Variants in GMPR observed in about 807,000 individuals in gnomAD.
GMPR encodes guanosine monophosphate reductase.
GMPR carries 31 observed loss-of-function variants against 38.4 expected under a neutral mutation model. The ratio of observed to expected loss-of-function variants is 0.81; its 90% confidence interval spans 0.61 to 1.09. The LOEUF (loss-of-function observed/expected upper bound fraction) is 1.09, where lower values mean the gene tolerates loss of function less well. GMPR is among the 50% of genes least tolerant of loss of function. The probability of loss-of-function intolerance (pLI) is 0.00; values close to 1 mark genes in which losing one functional copy is unlikely to be tolerated. For missense variants in GMPR, 468 were observed against 453.7 expected, an observed-to-expected ratio of 1.03 and a Z score of -0.29; for synonymous variants, 162 against 173.3, an observed-to-expected ratio of 0.93 and a Z score of 0.51.
intron 8 of GMPR, among the ~76,000 whole-genome samples, chr6:16,291,255 GCT>G (rs1759837402): frequency 1.3e-5 from 2 of 151,918 alleles, no homozygotes; most frequent in South Asian, 4.2e-4. Context: ...GTGGAGTCGT[GCT>G]CTGTCGCCCA....
intron 6 of GMPR, among the ~76,000 whole-genome samples, chr6:16,283,646 C>T (rs1328660661): frequency 6.6e-6 from 1 of 152,116 alleles, no homozygotes; most frequent in Admixed American, 6.6e-5. Flanking sequence ...TTGGCCCATC[C>T]TGGGAAGAGA....
chr6:16,289,262 GTC>G (rs1311128848), intron 7 of GMPR, among the ~76,000 whole-genome samples: 2 of 152,202 alleles, frequency 1.3e-5, no homozygotes. Context: ...CACAGTGAGA[GTC>G]TATGGCTTCA....
intron 8 of GMPR, among the ~76,000 whole-genome samples, chr6:16,294,161 ACTC>A (rs1380413843): frequency 8.6e-5 from 13 of 151,810 alleles, no homozygotes; most frequent in African/African-American, 3.1e-4. Context: ...GTTTCTAAAT[ACTC>A]CTCTGAAAAT....
intron 7 of GMPR, chr6:16,289,897 T>G: frequency 7.8e-6 from 1 of 127,772 alleles, no homozygotes; most frequent in African/African-American, 2.9e-5. Flanking sequence ...TGAGACGGAG[T>G]CTCCCTCTGT....
intron 8 of GMPR, among the ~76,000 whole-genome samples, chr6:16,293,040 T>C (rs1259210523): frequency 4.1e-5 from 6 of 147,870 alleles, no homozygotes; most frequent in Admixed American, 6.8e-5. Flanking sequence ...CTCTCTCTCT[T>C]AGTTTTCAGC....
In GMPR at chr6:16,238,653, G is replaced by C. The variant is rs1758583293; in HGVS notation, c.-41G>C. The C allele has an allele frequency of 9.5e-7, 1 of 1,050,746 alleles. No homozygotes were observed. The highest frequency in any genetic ancestry group is 1.2e-6 in the Non-Finnish European group (1 of 813,500). The allele number at this position is 1,050,746 out of a possible 1,614,324, so 65.1% of individuals were successfully genotyped here. ...CGCGCCGCCCCGCGCAGGCGCCCCC[G>C]CCCCGCCGTCGCCGCCGCCGCAGCC... On this transcript the variant is annotated 5_prime_UTR_variant, in exon 1 of 9. Transcript: ENST00000259727.
At chr6:16,271,730 T>TA (rs1759391184) in intron 4 of GMPR, among the ~76,000 whole-genome samples, 1 of 152,148 alleles carries the variant, frequency 6.6e-6, no homozygotes, top group Admixed American at 6.5e-5. Context: ...CTTTCTAGTA[T>TA]AAAATCTAGA....
chr6:16,246,414 G>A (rs957822518), intron 1 of GMPR, among the ~76,000 whole-genome samples: 1 of 152,180 alleles, frequency 6.6e-6, no homozygotes, highest in African/African-American at 2.4e-5. Context: ...ATTGTGTGGC[G>A]CTCACTGCAG....
chr6:16,285,762 A>C, intron 6 of GMPR, 31 bp from the exon 7 acceptor site: 2 of 1,602,688 alleles, frequency 1.2e-6, no homozygotes, highest in Non-Finnish European at 8.5e-7. Context: ...CCCGCTGATG[A>C]TGTCCTGTCC....
intron 7 of GMPR, among the ~76,000 whole-genome samples, chr6:16,286,473 T>C (rs1388650812): frequency 6.6e-6 from 1 of 151,628 alleles, no homozygotes; most frequent in African/African-American, 2.4e-5. Flanking sequence ...GGCTCCAGAA[T>C]GTGAAATGGG....
chr6:16,252,218 T>C (rs1308019837), intron 3 of GMPR, among the ~76,000 whole-genome samples: 1 of 152,196 alleles, frequency 6.6e-6, no homozygotes, highest in Non-Finnish European at 1.5e-5. Flanking sequence ...TTGGGAATAA[T>C]GATTTTCTTT....
chr6:16,260,846 G>A (rs1353178779), intron 4 of GMPR, among the ~76,000 whole-genome samples: 3 of 152,010 alleles, frequency 2.0e-5, no homozygotes, highest in African/African-American at 7.2e-5. Flanking sequence ...GGGGTCAGGT[G>A]TGGTATCAGG....
At chr6:16,245,612 A>G (rs1467970565) in intron 1 of GMPR, among the ~76,000 whole-genome samples, 1 of 152,208 alleles carries the variant, frequency 6.6e-6, no homozygotes, top group African/African-American at 2.4e-5. Flanking sequence ...GTTTGTGTCT[A>G]TCGGAGTCCA....
intron 4 of GMPR, among the ~76,000 whole-genome samples, chr6:16,256,897 G>A (rs575589428): frequency 6.6e-6 from 1 of 152,320 alleles, no homozygotes; most frequent in Non-Finnish European, 1.5e-5. Context: ...GAGATTTCCT[G>A]GGTGGTAGGA....
rs372790288 is a variant in GMPR at position 16,246,870 on chromosome 6, G to A, written c.116G>A (p.Arg39Gln). Reference protein sequence around the residue: ...EVDLERTFTFRNSKQTYSGIP... With the variant: ...EVDLERTFTFQNSKQTYSGIP... ...GATCTTGAACGCACCTTCACGTTTC[G>A]AAATTCAAAGCAGACCTACTCAGGG... Residue 39 changes from arginine to glutamine, a missense_variant, in exon 2 of 9, where the codon CGA (arginine) becomes CAA (glutamine). Arg to Gln is a conservative substitution (Grantham distance 43). Coordinates refer to ENST00000259727, the MANE Select transcript of GMPR (RefSeq NM_006877.4). The A allele has an allele frequency of 1.4e-5, 23 of 1,613,108 alleles. No homozygotes were observed. The highest frequency in any genetic ancestry group is 1.8e-5 in the Non-Finnish European group (21 of 1,179,590).
chr6:16,281,668 CCCATT>C (rs1759576769), intron 6 of GMPR, among the ~76,000 whole-genome samples: 2 of 114,924 alleles, frequency 1.7e-5, no homozygotes, highest in African/African-American at 7.1e-5. Context: ...CCACGCTCAG[CCCATT>C]TTTTTTTTGT....
At position 16,266,926 on chromosome 6, in the gene GMPR, C is replaced by T. The variant is rs565153716; in HGVS notation, c.466-7489C>T. ...TGCCACCTTTAAGAGCTGTAACACT[C>T]ACTGCAAAGGTCTGCGGCTTCACTC... On this transcript the variant is annotated intron_variant, in intron 4 of 8. Coordinates refer to ENST00000259727, the MANE Select transcript of GMPR (RefSeq NM_006877.4). 4.6e-5 allele frequency among the ~76,000 whole-genome samples: 7 copies of T among 151,954 alleles called. No individual in the cohort carries two copies. In the East Asian group the frequency reaches 7.9e-4, roughly 17 times the overall value.
At chr6:16,255,942 G>T (rs976826471) in intron 4 of GMPR, among the ~76,000 whole-genome samples, 5 of 152,192 alleles carry the variant, frequency 3.3e-5, no homozygotes, top group African/African-American at 1.2e-4. Context: ...CCAGCTGGGC[G>T]CAGTGGCTCA....
At chr6:16,288,867 C>T (rs1446494713) in intron 7 of GMPR, among the ~76,000 whole-genome samples, 1 of 149,172 alleles carries the variant, frequency 6.7e-6, no homozygotes, top group South Asian at 2.1e-4. Context: ...CCAATCCACA[C>T]TCTGTATCTA....
Sources: gnomAD v4.1 joint callset for allele counts (sites outside exome capture counted in the v4.1 genomes callset) on GRCh38, gnomAD v4.1.1 for gene constraint, MANE v1.5 for transcripts, NCBI Gene and HGNC (gene_info 2026-07-23, HGNC 2026-07-21) for gene names.